Variants in CPPED1 observed in about 807,000 individuals in gnomAD.
CPPED1 encodes the protein serine/threonine-protein phosphatase CPPED1.
In CPPED1, 28 loss-of-function variants were observed where a neutral mutation model predicts 28.0. That is an observed-to-expected ratio of 1.00 (90% CI 0.74 to 1.37). The LOEUF is 1.37. Ranked by LOEUF, CPPED1 falls within the 40% of genes most tolerant of loss-of-function variation. The pLI is 0.00. For synonymous variants in CPPED1, 198 were observed against 180.2 expected, an observed-to-expected ratio of 1.10 and a Z score of -0.79; for missense variants, 504 against 416.5, an observed-to-expected ratio of 1.21 and a Z score of -1.83.
chr16:12,766,695 G>T (rs947868572), intron 2 of CPPED1, among the ~76,000 whole-genome samples: 1 of 152,128 alleles, frequency 6.6e-6, no homozygotes, highest in Non-Finnish European at 1.5e-5. Flanking sequence ...CTTGAACCAG[G>T]GGGGCGCAGG....
intron 3 of CPPED1, among the ~76,000 whole-genome samples, chr16:12,693,062 G>A (rs555121008): frequency 6.6e-6 from 1 of 152,312 alleles, no homozygotes; most frequent in South Asian, 2.1e-4. Flanking sequence ...ATTTAAAATA[G>A]ATTCAAGAGT....
At chr16:12,673,248 T>G (rs952153956) in intron 3 of CPPED1, among the ~76,000 whole-genome samples, 11 of 152,200 alleles carry the variant, frequency 7.2e-5, no homozygotes, top group African/African-American at 2.7e-4. Flanking sequence ...CTGCCTCCTC[T>G]GTGGCTCTCC....
intron 2 of CPPED1, among the ~76,000 whole-genome samples, chr16:12,732,898 G>A (rs1372915033): frequency 6.6e-6 from 1 of 152,148 alleles, no homozygotes; most frequent in Non-Finnish European, 1.5e-5. Context: ...AGGAGGCAAA[G>A]GTAGATCCAA....
intron 3 of CPPED1, among the ~76,000 whole-genome samples, chr16:12,703,165 T>C (rs969159280): frequency 6.6e-6 from 1 of 152,246 alleles, no homozygotes; most frequent in Non-Finnish European, 1.5e-5. Context: ...TCAAGACAGT[T>C]TTCTGCACCA....
At position 12,661,839 on chromosome 16, in the gene CPPED1, G is replaced by C. The variant is rs2079796507; in HGVS notation, c.*3047C>G. On this transcript the variant is annotated 3_prime_UTR_variant, in exon 4 of 4. Transcript: ENST00000381774. The stretch of plus-strand genomic sequence containing the variant: ...GACAAGCTTCTGCCCCCTGAACCTG[G>C]TGCAATCAGGGTCTGGTCTAGGCTT... 2 of 152,342 alleles carry C rather than the reference G, an allele frequency of 1.3e-5. No individual in the cohort carries two copies. Among genetic ancestry groups the C allele is most frequent in the Admixed American group, 6.5e-5 (1 of 15,286 alleles). The allele number at this position is 152,342 out of a possible 1,614,324, so 9.4% of individuals were successfully genotyped here.
Position 12,781,365 on chromosome 16 carries a change from G to A in CPPED1, c.109C>T (p.Leu37=), listed in dbSNP as rs1335881583. 6.2e-7 allele frequency: 1 copy of A among 1,613,990 alleles called. No homozygotes were observed. Among genetic ancestry groups the A allele is most frequent in the African/African-American group, 1.3e-5 (1 of 74,906 alleles). Reference sequence around the variant, plus strand: ...AGCCCAAACTGTGGGTCTGCGCCCAGGATGAAGTAGAATGGGCCTTTCCAT... The same window carrying A: ...AGCCCAAACTGTGGGTCTGCGCCCAAGATGAAGTAGAATGGGCCTTTCCAT... ...SEWKGPFYFI[L]GADPQFGLIK... The change falls in exon 2 of 4, where the codon CTG becomes TTG. Residue 37 remains leucine (L), a synonymous_variant. Coordinates refer to ENST00000381774, the MANE Select transcript of CPPED1 (RefSeq NM_018340.3).
At chr16:12,683,706 C>T (rs1263626189) in intron 3 of CPPED1, among the ~76,000 whole-genome samples, 1 of 152,158 alleles carries the variant, frequency 6.6e-6, no homozygotes, top group Non-Finnish European at 1.5e-5. Context: ...AACACGCTTA[C>T]CCCCATCTCC....
At chr16:12,764,307 G>A (rs563299430) in intron 2 of CPPED1, among the ~76,000 whole-genome samples, 9 of 151,746 alleles carry the variant, frequency 5.9e-5, no homozygotes, top group African/African-American at 1.9e-4. Context: ...AAGTTCAAGC[G>A]ATTCTCGTGC....
chr16:12,732,906 C>T (rs1345387300), intron 2 of CPPED1, among the ~76,000 whole-genome samples: 1 of 152,078 alleles, frequency 6.6e-6, no homozygotes, highest in Non-Finnish European at 1.5e-5. Context: ...AAGGTAGATC[C>T]AACATGAGAG....
intron 2 of CPPED1, among the ~76,000 whole-genome samples, chr16:12,716,410 G>C (rs74597414): frequency 0.034 from 5,155 of 152,320 alleles, 128 homozygotes; most frequent in East Asian, 0.1. Flanking sequence ...ATTACATGCA[G>C]ATTCACTACT....
chr16:12,696,599 G>A (rs143052929), intron 3 of CPPED1, among the ~76,000 whole-genome samples: 44 of 151,912 alleles, frequency 2.9e-4, no homozygotes, highest in Non-Finnish European at 6.0e-4. Context: ...TCACCACCAC[G>A]CTCCACTAAT....
At chr16:12,776,822 G>C (rs546183828) in intron 2 of CPPED1, among the ~76,000 whole-genome samples, 1 of 152,246 alleles carries the variant, frequency 6.6e-6, no homozygotes, top group African/African-American at 2.4e-5. Context: ...AGGAAGCTGA[G>C]GCAGGAGAAT....
At chr16:12,735,599 T>C (rs568324615) in intron 2 of CPPED1, among the ~76,000 whole-genome samples, 80 of 152,354 alleles carry the variant, frequency 5.3e-4, no homozygotes, top group Non-Finnish European at 8.5e-4. Flanking sequence ...CCACCGTGCC[T>C]GGCACCCTAA....
rs529445768 is a variant in CPPED1 at position 12,773,618 on chromosome 16, G to C, written c.289+7567C>G. Among the ~76,000 whole-genome samples the C allele has an allele frequency of 2.2e-4, 33 of 152,318 alleles. No individual in the cohort carries two copies. In the South Asian group the frequency reaches 6.6e-3, roughly 31 times the overall value. On this transcript the variant is annotated intron_variant, in intron 2 of 3. Transcript: ENST00000381774. Reference sequence around the variant, plus strand: ...CACACCTGTAACTCCAGCTGCTCGAGGCTGAGGCATGAGAATTGCTTGAAC... The same window carrying C: ...CACACCTGTAACTCCAGCTGCTCGACGCTGAGGCATGAGAATTGCTTGAAC...
At chr16:12,783,805 T>G (rs2080546740) in intron 1 of CPPED1, among the ~76,000 whole-genome samples, 1 of 152,192 alleles carries the variant, frequency 6.6e-6, no homozygotes, top group South Asian at 2.1e-4. Context: ...GTCCTCAACT[T>G]ACAGCACAGT....
intron 2 of CPPED1, among the ~76,000 whole-genome samples, chr16:12,726,047 A>ATT (rs775785867): frequency 2.0e-5 from 3 of 149,008 alleles, no homozygotes; most frequent in Non-Finnish European, 3.0e-5. Flanking sequence ...AGAAAAAATC[A>ATT]TTTTTTTTTT....
chr16:12,718,642 T>C (rs2080120888), intron 2 of CPPED1, among the ~76,000 whole-genome samples: 1 of 151,880 alleles, frequency 6.6e-6, no homozygotes, highest in South Asian at 2.1e-4. Context: ...GGCTGGGATG[T>C]AAATGGTTTC....
intron 2 of CPPED1, among the ~76,000 whole-genome samples, chr16:12,748,727 T>TA (rs1011343632): frequency 2.6e-5 from 4 of 151,894 alleles, no homozygotes; most frequent in East Asian, 1.9e-4. Flanking sequence ...CTATTAAAAA[T>TA]AAAAAATTAG....
At chr16:12,696,666 C>T (rs758585843) in intron 3 of CPPED1, among the ~76,000 whole-genome samples, 4 of 151,992 alleles carry the variant, frequency 2.6e-5, no homozygotes, top group Non-Finnish European at 4.4e-5. Context: ...TGGTCTCGAA[C>T]TCCTGACCTC....
Sources: allele counts gnomAD v4.1 joint callset (sites outside exome capture counted in the v4.1 genomes callset), GRCh38; gene constraint gnomAD v4.1.1; transcripts MANE v1.5; gene names NCBI Gene and HGNC (gene_info 2026-07-23, HGNC 2026-07-21).